The following USP31 variants were observed in gnomAD, a reference collection of about 807,000 sequenced individuals.
USP31 encodes the protein ubiquitin carboxyl-terminal hydrolase 31.
In USP31, 44 loss-of-function variants were observed where a neutral mutation model predicts 119.4. That is an observed-to-expected ratio of 0.37 (90% CI 0.29 to 0.47). The LOEUF is 0.47. USP31 is among the 20% of genes least tolerant of loss of function. The probability of loss-of-function intolerance (pLI) is 0.99; values close to 1 mark genes in which losing one functional copy is unlikely to be tolerated. For synonymous variants in USP31, 749 were observed against 705.6 expected (o/e 1.06, Z -0.97); for missense variants, 1,643 against 1,730.2 (o/e 0.95, Z 0.89).
At chr16:23,117,924 G>A (rs1041256922) in intron 1 of USP31, among the ~76,000 whole-genome samples, 1 of 152,068 alleles carries the variant, frequency 6.6e-6, no homozygotes, top group East Asian at 1.9e-4. Flanking sequence ...AAGTAGCTGG[G>A]ACTACAGGTG....
chr16:23,146,251 G>A (rs1336014713), intron 1 of USP31, among the ~76,000 whole-genome samples: 2 of 136,496 alleles, frequency 1.5e-5, no homozygotes, highest in South Asian at 5.6e-4. Flanking sequence ...GGGGGCGGGG[G>A]GTGGACCTAC....
intron 1 of USP31, among the ~76,000 whole-genome samples, chr16:23,113,551 C>T (rs1203966075): frequency 6.6e-6 from 1 of 152,168 alleles, no homozygotes; most frequent in Non-Finnish European, 1.5e-5. Context: ...GTCAGGCAGG[C>T]TCTGAGGCAG....
chr16:23,135,198 T>C (rs1903153361), intron 1 of USP31, among the ~76,000 whole-genome samples: 2 of 146,796 alleles, frequency 1.4e-5, no homozygotes, highest in Non-Finnish European at 3.0e-5. Flanking sequence ...CTCAACATGA[T>C]AGAAGCACCA....
intron 1 of USP31, among the ~76,000 whole-genome samples, chr16:23,140,953 C>T (rs192643394): frequency 6.6e-6 from 1 of 152,340 alleles, no homozygotes; most frequent in Admixed American, 6.5e-5. Flanking sequence ...TCTCCACCTC[C>T]CTCCACCATC....
rs1400569912 is a variant in USP31, at chr16:23,065,041, T to G, written c.*3005A>C. On this transcript the variant is annotated 3_prime_UTR_variant, in exon 16 of 16. Transcript: ENST00000219689. ...CCTAACGGTTTGAGTTTCCACATTA[T>G]CTAAGGGATTACCAAGGCAAGATGT... The G allele has an allele frequency of 6.6e-6, 1 of 152,114 alleles. No individual in the cohort carries two copies. Among genetic ancestry groups the G allele is most frequent in the African/African-American group, 2.4e-5 (1 of 41,418 alleles). 9.4% of individuals were successfully genotyped at this position (152,114 alleles called of 1,614,324 possible).
At chr16:23,124,484 GAAGT>G (rs1299953626) in intron 1 of USP31, among the ~76,000 whole-genome samples, 2 of 152,204 alleles carry the variant, frequency 1.3e-5, no homozygotes, top group African/African-American at 4.8e-5. Context: ...ATCATACTGA[GAAGT>G]GAGTGCCCTC....
At chr16:23,147,332 C>A (rs1376301244) in intron 1 of USP31, among the ~76,000 whole-genome samples, 1 of 152,056 alleles carries the variant, frequency 6.6e-6, no homozygotes, top group Admixed American at 6.5e-5. Flanking sequence ...GGTCTCGAAC[C>A]CCCGGACCTC....
At chr16:23,094,264 C>T (rs1301482972) in intron 6 of USP31, among the ~76,000 whole-genome samples, 1 of 152,194 alleles carries the variant, frequency 6.6e-6, no homozygotes, top group East Asian at 1.9e-4. Flanking sequence ...AGTCTGAGAA[C>T]AAACTGCGAG....
chr16:23,132,154 C>T (rs974242854), intron 1 of USP31, among the ~76,000 whole-genome samples: 1 of 152,116 alleles, frequency 6.6e-6, no homozygotes, highest in East Asian at 1.9e-4. Context: ...CAAGATATCC[C>T]GACGTGCTCC....
rs1209770210 is a variant in USP31 at position 23,067,114 on chromosome 16, CCA to C, written c.*930_*931del. The C allele has an allele frequency of 6.6e-6, 1 of 152,490 alleles. No homozygotes were observed. Among genetic ancestry groups the C allele is most frequent in the African/African-American group, 2.4e-5 (1 of 41,422 alleles). The allele number at this position is 152,490 out of a possible 1,614,324, so 9.4% of individuals were successfully genotyped here. A position where few individuals can be genotyped will look rare whatever the true frequency, so the allele number is the denominator to read the frequency against. On this transcript the variant is annotated 3_prime_UTR_variant, in exon 16 of 16. Transcript: ENST00000219689. Reference sequence around the variant, plus strand: ...CAACACCTGACAAGGAAAATGATGTCCAGTCTTTCACCCAGTTTAGAATCTAG... The same window carrying C: ...CAACACCTGACAAGGAAAATGATGTCGTCTTTCACCCAGTTTAGAATCTAG...
intron 10 of USP31, 34 bp from the exon 11 acceptor site, chr16:23,085,023 T>C (rs1901047438): frequency 6.2e-7 from 1 of 1,609,432 alleles, no homozygotes; most frequent in African/African-American, 1.3e-5. Flanking sequence ...TATCAGGGAA[T>C]GTCTTGCAAA....
At chr16:23,105,828 T>A (rs2141873216) in intron 4 of USP31, among the ~76,000 whole-genome samples, 2 of 152,364 alleles carry the variant, frequency 1.3e-5, no homozygotes, top group African/African-American at 4.8e-5. Flanking sequence ...CACTTGATTC[T>A]GTGCTTTGTA....
chr16:23,095,648 G>T (rs190870151), intron 6 of USP31, among the ~76,000 whole-genome samples: 2 of 152,158 alleles, frequency 1.3e-5, no homozygotes, highest in Non-Finnish European at 2.9e-5. Context: ...ACAGCAGATC[G>T]CTCTGCAGAA....
chr16:23,087,229 A>C, intron 8 of USP31, 43 bp from the exon 9 acceptor site: 7 of 1,577,810 alleles, frequency 4.4e-6, no homozygotes, highest in Non-Finnish European at 6.1e-6. Context: ...ATTTTTCTTC[A>C]AGGGCATCTG....
In USP31 at chr16:23,108,071, T is replaced by C. The variant is rs747748099; in HGVS notation, c.746A>G (p.Lys249Arg). 6.2e-7 allele frequency: 1 copy of C among 1,613,942 alleles called. No individual in the cohort carries two copies. The highest frequency in any genetic ancestry group is 2.2e-5 in the East Asian group (1 of 44,874). ...CTTCAGAGGAGGCTGGCCACTCTGC[T>C]TCACTGAATGGTTGAGGTCTTCATG... ...RVHEDLNHSV[K>R]QSGQPPLKPP... The change falls in exon 2 of 16, where the codon AAG (lysine) becomes AGG (arginine). Residue 249 changes from lysine (K) to arginine (R), a missense_variant. Lys to Arg is a conservative substitution (Grantham distance 26, BLOSUM62 2). Coordinates refer to ENST00000219689, the MANE Select transcript of USP31 (RefSeq NM_020718.4).
At chr16:23,130,873 A>G (rs1343851798) in intron 1 of USP31, among the ~76,000 whole-genome samples, 1 of 152,202 alleles carries the variant, frequency 6.6e-6, no homozygotes, top group Non-Finnish European at 1.5e-5. Flanking sequence ...GTCCTTTCAC[A>G]TAGGTGCTAT....
intron 1 of USP31, among the ~76,000 whole-genome samples, chr16:23,130,696 T>TAG (rs1903004445): frequency 6.6e-6 from 1 of 152,086 alleles, no homozygotes; most frequent in East Asian, 1.9e-4. Flanking sequence ...CATGATATCC[T>TAG]AGGTTTCCAG....
At chr16:23,073,662 A>G (rs1243700273) in intron 14 of USP31, 60 bp downstream of exon 14, 17 of 1,585,058 alleles carry the variant, frequency 1.1e-5, no homozygotes, top group Non-Finnish European at 1.5e-5. Context: ...GGTCCTCTAG[A>G]CCATTCATTA....
At chr16:23,126,660 G>C (rs1036521745) in intron 1 of USP31, among the ~76,000 whole-genome samples, 3 of 151,156 alleles carry the variant, frequency 2.0e-5, no homozygotes, top group Non-Finnish European at 4.4e-5. Flanking sequence ...AAGGGACTCA[G>C]AGAAGTAAAG....
Sources: gnomAD v4.1 joint callset for allele counts (sites outside exome capture counted in the v4.1 genomes callset) on GRCh38, gnomAD v4.1.1 for gene constraint, MANE v1.5 for transcripts, NCBI Gene and HGNC (gene_info 2026-07-23, HGNC 2026-07-21) for gene names.